Variants in TARBP1 observed in about 807,000 individuals in gnomAD.
TARBP1 encodes the protein tRNA guanosine 2 -O-methyltransferase TARBP1.
Under a neutral mutation model 178.6 loss-of-function variants are expected in TARBP1, and 144 were observed. The observed-to-expected ratio is 0.81, with a 90% CI of 0.70 to 0.93. The LOEUF is 0.93. Among genes scored for constraint, TARBP1 ranks in the 40% least tolerant of loss-of-function variants. The pLI is 0.00. For synonymous variants in TARBP1, 787 were observed against 781.0 expected (o/e 1.01, Z -0.13); for missense variants, 2,067 against 2,011.7 (o/e 1.03, Z -0.53).
chr1:234,445,008 A>C (rs1401513236), intron 12 of TARBP1, among the ~76,000 whole-genome samples: 1 of 152,124 alleles, frequency 6.6e-6, no homozygotes, highest in Non-Finnish European at 1.5e-5. Context: ...CTACATAAAA[A>C]ACTTGCTATT....
intron 6 of TARBP1, among the ~76,000 whole-genome samples, chr1:234,462,672 A>T (rs1380436544): frequency 7.5e-6 from 1 of 133,972 alleles, no homozygotes; most frequent in Non-Finnish European, 1.6e-5. Flanking sequence ...CTAATGACAG[A>T]GCAAGACTTC....
At chr1:234,414,860 T>C (rs1335464444) in intron 22 of TARBP1, among the ~76,000 whole-genome samples, 1 of 152,100 alleles carries the variant, frequency 6.6e-6, no homozygotes, top group Non-Finnish European at 1.5e-5. Context: ...GGTGCACACC[T>C]GTAGTCCCAG....
chr1:234,454,159 T>C (rs576545235), intron 9 of TARBP1, among the ~76,000 whole-genome samples: 33 of 152,200 alleles, frequency 2.2e-4, no homozygotes, highest in Non-Finnish European at 4.0e-4. Context: ...TTACATGAAT[T>C]TTCTCTTTTA....
intron 15 of TARBP1, 121 bp downstream of exon 15, chr1:234,429,966 C>T (rs563569303): frequency 1.5e-4 from 161 of 1,043,658 alleles, no homozygotes; most frequent in South Asian, 6.4e-4. Flanking sequence ...TTATACCACA[C>T]TTTCATCCTG....
At position 234,426,046 on chromosome 1, in the gene TARBP1, G is replaced by A. The variant is rs78047188; in HGVS notation, c.3324-253C>T. On this transcript the variant is annotated intron_variant, in intron 19 of 29. Transcript: ENST00000040877. Reference sequence around the variant, plus strand: ...TCATCCAGATTTCTGGAGAATCAATGCACACGCTGCTGAACCTAGTTCAAT... The same window carrying A: ...TCATCCAGATTTCTGGAGAATCAATACACACGCTGCTGAACCTAGTTCAAT... Among the ~76,000 whole-genome samples the A allele has an allele frequency of 8.9e-3, 1,362 of 152,316 alleles. 20 individuals carry two copies. Among genetic ancestry groups the A allele is most frequent in the African/African-American group, 0.03 (1,232 of 41,566 alleles).
At chr1:234,451,486 G>A (rs372033371) in intron 9 of TARBP1, among the ~76,000 whole-genome samples, 1 of 34,398 alleles carries the variant, frequency 2.9e-5, no homozygotes, top group South Asian at 6.9e-4. Flanking sequence ...GGTGGCTCAC[G>A]CCTGTAATCC....
At chr1:234,467,352 G>C (rs1272205690) in intron 4 of TARBP1, 150 bp downstream of exon 4, 1 of 758,328 alleles carries the variant, frequency 1.3e-6, no homozygotes, top group African/African-American at 1.8e-5. Context: ...AACAACATAA[G>C]CTTTTTCCAA....
Position 234,451,468 on chromosome 1 carries a change from C to A in TARBP1, c.1723-902G>T, listed in dbSNP as rs1443778177. ...ACCAAAGATAAAACTGATGAATGGG[C>A]CGGGCGCGGTGGCTCACGCCTGTAA... On this transcript the variant is annotated intron_variant, in intron 9 of 29. Transcript: ENST00000040877. Among the ~76,000 whole-genome samples the A allele has an allele frequency of 1.1e-4, 4 of 35,582 alleles. 1 individual carries two copies. Among genetic ancestry groups the A allele is most frequent in the African/African-American group, 8.3e-4 (3 of 3,594 alleles). 23.3% of individuals were successfully genotyped at this position (35,582 alleles called of 152,430 possible).
chr1:234,461,389 C>A (rs1346742127), intron 6 of TARBP1, among the ~76,000 whole-genome samples: 1 of 152,198 alleles, frequency 6.6e-6, no homozygotes, highest in Non-Finnish European at 1.5e-5. Context: ...ACTACTACAA[C>A]CTCCACCTCC....
At chr1:234,476,795 C>T (rs1669609157) in intron 1 of TARBP1, among the ~76,000 whole-genome samples, 1 of 152,146 alleles carries the variant, frequency 6.6e-6, no homozygotes, top group South Asian at 2.1e-4. Flanking sequence ...GGGTAAATCC[C>T]CTAATATTCC....
chr1:234,471,328 C>A, intron 2 of TARBP1, 71 bp from the exon 3 acceptor site: 1 of 983,000 alleles, frequency 1.0e-6, no homozygotes, highest in South Asian at 1.4e-5. Context: ...ATTTTCATCT[C>A]TTTATTTCAC....
Position 234,472,820 on chromosome 1 carries a change from G to C in TARBP1, c.932-9C>G. 1 of 1,576,432 alleles carries C rather than the reference G, an allele frequency of 6.3e-7. No homozygotes were observed. The highest frequency in any genetic ancestry group is 8.6e-7 in the Non-Finnish European group (1 of 1,166,736). ...CCAAAACAGACTTGGGCCTGATATG[G>C]TTTAAAAAAGAAAATTAGTTCTTCC... On this transcript the variant is annotated splice_polypyrimidine_tract_variant and intron_variant, in intron 1 of 29. Transcript: ENST00000040877.
chr1:234,452,653 C>T (rs961439667), intron 9 of TARBP1, among the ~76,000 whole-genome samples: 1 of 152,098 alleles, frequency 6.6e-6, no homozygotes, highest in Non-Finnish European at 1.5e-5. Flanking sequence ...GACAGCTTGG[C>T]AATTTCTCTA....
At chr1:234,398,307 G>A in intron 26 of TARBP1, 75 bp downstream of exon 26, 1 of 1,297,520 alleles carries the variant, frequency 7.7e-7, no homozygotes, top group Non-Finnish European at 1.0e-6. Flanking sequence ...TTAACTACCT[G>A]TCCTTAGTAA....
chr1:234,437,362 A>G lies in TARBP1; in HGVS notation c.2145T>C (p.Ser715=), dbSNP rs1558206938. ...KGSSAQDDEV[S]TVLQNFFMST... is the part of the protein sequence containing the mutation. ...ACATGAAAAAGTTCTGAAGAACAGT[A>G]GACACCTCATCTGTATGGGGGCAAA... Residue 715 remains serine, a synonymous_variant, in exon 13 of 30, where the codon TCT becomes TCC. Transcript: ENST00000040877. The G allele has an allele frequency of 1.3e-6, 2 of 1,571,298 alleles. No homozygotes were observed. The highest frequency in any genetic ancestry group is 1.7e-6 in the Non-Finnish European group (2 of 1,156,764).
At chr1:234,395,168 G>A (rs1659796349) in intron 26 of TARBP1, among the ~76,000 whole-genome samples, 1 of 152,158 alleles carries the variant, frequency 6.6e-6, no homozygotes, top group Non-Finnish European at 1.5e-5. Flanking sequence ...AGGTTGCAGT[G>A]AGCTGAGATC....
At chr1:234,396,922 G>A (rs1659993366) in intron 26 of TARBP1, among the ~76,000 whole-genome samples, 1 of 151,938 alleles carries the variant, frequency 6.6e-6, no homozygotes, top group African/African-American at 2.4e-5. Context: ...AGGAGGAAAG[G>A]CAGGATGGCC....
Position 234,478,760 on chromosome 1 carries a change from T to TGCGGACGCCCGGCCAG in TARBP1, c.328_343dup (p.Gln115ProfsTer13). 1.8e-6 allele frequency: 2 copies of TGCGGACGCCCGGCCAG among 1,087,636 alleles called. No homozygotes were observed. Among genetic ancestry groups the TGCGGACGCCCGGCCAG allele is most frequent in the Non-Finnish European group, 2.2e-6 (2 of 900,472 alleles). The allele number at this position is 1,087,636 out of a possible 1,614,324, so 67.4% of individuals were successfully genotyped here. On this transcript the variant is annotated frameshift_variant, in exon 1 of 30. Transcript: ENST00000040877. LOFTEE classifies it high-confidence loss of function. ...CTCCTCAGCCAGCGCGGCCGCCAGC[T>TGCGGACGCCCGGCCAG]GCGGACGCCCGGCCAGGCGGACGCA...
chr1:234,466,106 A>T (rs1303531370), intron 4 of TARBP1, among the ~76,000 whole-genome samples: 3 of 152,238 alleles, frequency 2.0e-5, no homozygotes, highest in African/African-American at 7.2e-5. Context: ...TATACTCAAA[A>T]ATTACTATTA....
Sources: allele counts gnomAD v4.1 joint callset (sites outside exome capture counted in the v4.1 genomes callset), GRCh38; gene constraint gnomAD v4.1.1; transcripts MANE v1.5; gene names NCBI Gene and HGNC (gene_info 2026-07-23, HGNC 2026-07-21).